The following MAJIN variants were observed in gnomAD, a reference collection of about 807,000 sequenced individuals.
The protein encoded by MAJIN is membrane anchored junction protein.
Under a neutral mutation model 30.2 loss-of-function variants are expected in MAJIN, and 27 were observed. That is an observed-to-expected ratio of 0.89 (90% CI 0.66 to 1.23). The LOEUF is 1.23. Among genes scored for constraint, MAJIN ranks in the 50% most tolerant of loss-of-function variants. MAJIN has a pLI of 0.00. For synonymous variants in MAJIN, 78 were observed against 91.6 expected (o/e 0.85, Z 0.85); for missense variants, 253 against 260.3 (o/e 0.97, Z 0.19).
chr11:64,962,547 A>C (rs973382224), intron 1 of MAJIN, among the ~76,000 whole-genome samples: 3 of 152,182 alleles, frequency 2.0e-5, no homozygotes, highest in African/African-American at 7.2e-5. Context: ...AAAGGAAGAA[A>C]ACTTACAGGC....
chr11:64,948,000 C>G (rs1190715129), intron 6 of MAJIN, among the ~76,000 whole-genome samples, 181 bp from the exon 7 acceptor site: 1 of 151,798 alleles, frequency 6.6e-6, no homozygotes, highest in Non-Finnish European at 1.5e-5. Flanking sequence ...GCTGGGACTA[C>G]AGGCACATGC....
At chr11:64,948,604 TATATATATATATATATATA>T (rs1945489378) in intron 6 of MAJIN, among the ~76,000 whole-genome samples, 51 of 21,488 alleles carry the variant, frequency 2.4e-3, no homozygotes, top group African/African-American at 6.8e-3. Flanking sequence ...GGCTACATCA[TATATATATATATATATATA>T]TATATATATA....
chr11:64,957,144 C>A (rs1436569992), intron 3 of MAJIN, among the ~76,000 whole-genome samples: 1 of 151,896 alleles, frequency 6.6e-6, no homozygotes, highest in Non-Finnish European at 1.5e-5. Flanking sequence ...GTGGTGCAGT[C>A]ATGGCTACCT....
intron 10 of MAJIN, among the ~76,000 whole-genome samples, 184 bp from the exon 11 acceptor site, chr11:64,938,757 G>T (rs1166337596): frequency 6.6e-6 from 1 of 152,168 alleles, no homozygotes; most frequent in African/African-American, 2.4e-5. Context: ...GGGAAATAAA[G>T]AAACAGAATT....
intron 5 of MAJIN, 122 bp from the exon 6 acceptor site, chr11:64,949,990 G>A (rs779408800): frequency 2.0e-5 from 26 of 1,282,770 alleles, no homozygotes; most frequent in Admixed American, 8.6e-5. Context: ...GTTTTGCTAC[G>A]TCCATTTGAG....
chr11:64,942,358 T>C (rs867984635), intron 8 of MAJIN, among the ~76,000 whole-genome samples: 2 of 152,164 alleles, frequency 1.3e-5, no homozygotes, highest in Non-Finnish European at 2.9e-5. Flanking sequence ...TAGTGATTTC[T>C]GAGATTTTGG....
At chr11:64,944,109 G>T (rs1160599891) in intron 8 of MAJIN, among the ~76,000 whole-genome samples, 6 of 152,228 alleles carry the variant, frequency 3.9e-5, no homozygotes, top group African/African-American at 1.2e-4. Flanking sequence ...GTGTGCCCCA[G>T]CACCCAACAC....
intron 3 of MAJIN, among the ~76,000 whole-genome samples, chr11:64,956,324 A>T (rs1213706397): frequency 4.0e-5 from 6 of 151,542 alleles, no homozygotes; most frequent in Non-Finnish European, 5.9e-5. Context: ...ATAAATAAAA[A>T]TAAAAATACA....
intron 6 of MAJIN, 39 bp from the exon 7 acceptor site, chr11:64,947,858 CTTTTT>C (rs35160886): frequency 7.0e-5 from 85 of 1,215,792 alleles, no homozygotes; most frequent in East Asian, 1.0e-4. Flanking sequence ...AGATTTAAGA[CTTTTT>C]TTTTTTTTTT....
At chr11:64,962,474 T>C (rs1344610299) in intron 1 of MAJIN, among the ~76,000 whole-genome samples, 1 of 152,248 alleles carries the variant, frequency 6.6e-6, no homozygotes, top group African/African-American at 2.4e-5. Flanking sequence ...TGATGAGATC[T>C]TGCTTATGAA....
chr11:64,945,899 C>T (rs189264772), intron 8 of MAJIN, among the ~76,000 whole-genome samples: 12 of 152,224 alleles, frequency 7.9e-5, no homozygotes, highest in Non-Finnish European at 1.8e-4. Context: ...CTTTGGGATG[C>T]GTTGTGGCAA....
At chr11:64,945,968 A>T (rs1181662108) in intron 8 of MAJIN, 4 of 960,314 alleles carry the variant, frequency 4.2e-6, no homozygotes, top group Non-Finnish European at 5.9e-6. Context: ...AGTTCAGTCA[A>T]TTCAATCTGC....
At chr11:64,945,774 T>G (rs909317574) in intron 8 of MAJIN, among the ~76,000 whole-genome samples, 1 of 152,160 alleles carries the variant, frequency 6.6e-6, no homozygotes, top group Admixed American at 6.5e-5. Context: ...TGACTTCAGG[T>G]GATCCGCCTG....
At chr11:64,952,726 A>G (rs1283401655) in intron 4 of MAJIN, among the ~76,000 whole-genome samples, 2 of 151,790 alleles carry the variant, frequency 1.3e-5, no homozygotes, top group East Asian at 3.9e-4. Flanking sequence ...TGTTTTTGAG[A>G]TGGAGTCTCA....
intron 4 of MAJIN, chr11:64,954,269 T>G (rs1040961486): frequency 6.4e-5 from 16 of 248,946 alleles, no homozygotes; most frequent in Non-Finnish European, 1.2e-4. Context: ...TAGGAAAACC[T>G]AAAGCTAGAG....
At chr11:64,971,491 G>A (rs1945905019) in intron 1 of MAJIN, among the ~76,000 whole-genome samples, 1 of 151,720 alleles carries the variant, frequency 6.6e-6, no homozygotes, top group South Asian at 2.1e-4. Flanking sequence ...GGAGGAGGAG[G>A]AGGGTGAAGC....
rs185751906 is a variant in MAJIN, at chr11:64,939,263, G to A, written c.*1+399C>T. 3.8e-4 allele frequency among the ~76,000 whole-genome samples: 58 copies of A among 152,156 alleles called. No individual in the cohort carries two copies. In the East Asian group the frequency reaches 9.7e-3, roughly 25 times the overall value. On this transcript the variant is annotated intron_variant, in intron 10 of 10. Transcript: ENST00000301896. Reference sequence around the variant, plus strand: ...ATCACAGGCATGTAGCACCATGCCCGGCTAATTTTGTATTTTTAGTAGAGA... The same window carrying A: ...ATCACAGGCATGTAGCACCATGCCCAGCTAATTTTGTATTTTTAGTAGAGA...
At chr11:64,941,333 A>C (rs1390990642) in intron 8 of MAJIN, among the ~76,000 whole-genome samples, 1 of 152,184 alleles carries the variant, frequency 6.6e-6, no homozygotes, top group African/African-American at 2.4e-5. Flanking sequence ...TGTATAATCT[A>C]TGGAGCAAAA....
rs780909644 is a variant in MAJIN at position 64,947,485 on chromosome 11, C to A, written c.382-20G>T. On this transcript the variant is annotated intron_variant, in intron 7 of 10. Coordinates refer to ENST00000301896, the MANE Select transcript of MAJIN (RefSeq NM_001037225.3). ...TGGGACCTTCAGGAGGAAGCAGATG[C>A]CTGTGACTCCTCCTTTCCAGAGTTG... 1 of 1,599,992 alleles carries A rather than the reference C, an allele frequency of 6.3e-7. No individual in the cohort carries two copies. Among genetic ancestry groups the A allele is most frequent in the Non-Finnish European group, 8.6e-7 (1 of 1,167,740 alleles).
Sources: gnomAD v4.1 joint callset for allele counts (sites outside exome capture counted in the v4.1 genomes callset) on GRCh38, gnomAD v4.1.1 for gene constraint, MANE v1.5 for transcripts, NCBI Gene and HGNC (gene_info 2026-07-23, HGNC 2026-07-21) for gene names.